Variants in RALGAPB observed in about 807,000 individuals in gnomAD.
RALGAPB encodes Ral GTPase activating protein non-catalytic subunit beta.
RALGAPB carries 25 observed loss-of-function variants against 161.1 expected under a neutral mutation model. The observed-to-expected ratio is 0.16, with a 90% CI of 0.11 to 0.22. The LOEUF (loss-of-function observed/expected upper bound fraction) is 0.22, where lower values mean the gene tolerates loss of function less well. RALGAPB is among the 10% of genes least tolerant of loss of function. RALGAPB has a pLI of 1.00. For synonymous variants in RALGAPB, 629 were observed against 626.1 expected (o/e 1.00, Z -0.07); for missense variants, 1,391 against 1,815.2 (o/e 0.77, Z 4.25).
intron 3 of RALGAPB, among the ~76,000 whole-genome samples, chr20:38,495,428 CAG>C (rs1423301051): frequency 6.6e-6 from 1 of 152,070 alleles, no homozygotes; most frequent in Admixed American, 6.6e-5. Context: ...AGCAAAGAGT[CAG>C]ATAGCATTTT....
chr20:38,497,659 ACT>A, intron 4 of RALGAPB, 143 bp downstream of exon 4: 1 of 888,754 alleles, frequency 1.1e-6, no homozygotes, highest in Non-Finnish European at 1.7e-6. Context: ...TAGAATGGAA[ACT>A]CTCAGGCACA....
chr20:38,563,020 A>G (rs966842084), intron 24 of RALGAPB, among the ~76,000 whole-genome samples: 1 of 152,172 alleles, frequency 6.6e-6, no homozygotes, highest in Non-Finnish European at 1.5e-5. Context: ...AGCTATGATC[A>G]TGCCACAGCA....
chr20:38,556,861 A>G (rs1347053597), intron 22 of RALGAPB, among the ~76,000 whole-genome samples: 1 of 152,228 alleles, frequency 6.6e-6, no homozygotes, highest in African/African-American at 2.4e-5. Flanking sequence ...ATATATTTGT[A>G]GTAAATTCAT....
At position 38,499,614 on chromosome 20, in the gene RALGAPB, A is replaced by G. The variant is rs2085520409; in HGVS notation, c.721A>G (p.Ile241Val). ...AGTGGTGGAGCAGTGGAGCAAGGTC[A>G]TTTGTGCACTCACTTCCAGGTAGGT... ...PAVVEQWSKV[I>V]CALTSRLLRF... The change falls in exon 5 of 30, where the codon ATT becomes GTT. Residue 241 changes from isoleucine to valine, a missense_variant. Physicochemically the swap from Ile to Val is conservative, Grantham distance 29 (BLOSUM62 3). Around this residue, in one of 3 missense-constraint regions of RALGAPB, gnomAD observed 946 missense variants for 1,257.2 expected, o/e 0.75. Coordinates refer to ENST00000262879, the MANE Select transcript of RALGAPB (RefSeq NM_020336.4). 6.2e-7 allele frequency: 1 copy of G among 1,612,692 alleles called. No individual in the cohort carries two copies. The highest frequency in any genetic ancestry group is 8.5e-7 in the Non-Finnish European group (1 of 1,179,544).
intron 1 of RALGAPB, among the ~76,000 whole-genome samples, chr20:38,476,228 C>T (rs1369716842): frequency 6.6e-6 from 1 of 152,174 alleles, no homozygotes; most frequent in East Asian, 1.9e-4. Context: ...AGCTTGGGAC[C>T]TAGAAATGGA....
At chr20:38,480,448 G>A (rs1483238320) in intron 1 of RALGAPB, among the ~76,000 whole-genome samples, 16 of 147,880 alleles carry the variant, frequency 1.1e-4, no homozygotes, top group Non-Finnish European at 2.2e-4. Context: ...GTGCAGTGGC[G>A]TGATCTTGGC....
intron 5 of RALGAPB, among the ~76,000 whole-genome samples, chr20:38,502,133 G>A (rs1414032126): frequency 1.3e-5 from 2 of 152,164 alleles, no homozygotes; most frequent in African/African-American, 4.8e-5. Flanking sequence ...GGTACATACT[G>A]TACTACTGTA....
chr20:38,485,972 T>TA, intron 1 of RALGAPB, among the ~76,000 whole-genome samples: 1 of 145,808 alleles, frequency 6.9e-6, no homozygotes, highest in Non-Finnish European at 1.5e-5. Context: ...ATATCTTTTT[T>TA]TTTTTTTTTT....
intron 3 of RALGAPB, among the ~76,000 whole-genome samples, chr20:38,495,127 G>T (rs2085387717): frequency 6.6e-6 from 1 of 152,128 alleles, no homozygotes; most frequent in East Asian, 1.9e-4. Context: ...CCCATTATTT[G>T]AAGTTTTAGT....
chr20:38,575,186 G>A lies in RALGAPB; in HGVS notation c.*219G>A, dbSNP rs1399579374. On this transcript the variant is annotated 3_prime_UTR_variant, in exon 30 of 30. Coordinates refer to ENST00000262879, the MANE Select transcript of RALGAPB (RefSeq NM_020336.4). ...ACACAATCACACTCCTGCTGATAAT[G>A]ATGATATACATTTTAGCCATAAACT... 1.6e-5 allele frequency: 8 copies of A among 491,158 alleles called. No homozygotes were observed. Among genetic ancestry groups the A allele is most frequent in the Non-Finnish European group, 2.9e-5 (8 of 278,158 alleles). 30.4% of individuals were successfully genotyped at this position (491,158 alleles called of 1,614,324 possible). A position where few individuals can be genotyped will look rare whatever the true frequency, so the allele number is the denominator to read the frequency against.
intron 4 of RALGAPB, among the ~76,000 whole-genome samples, chr20:38,498,208 A>G (rs1185771935): frequency 2.0e-5 from 3 of 152,230 alleles, no homozygotes; most frequent in Non-Finnish European, 4.4e-5. Flanking sequence ...GAAACCTCCA[A>G]AGTCTTTTAA....
chr20:38,506,766 G>A (rs1235617709), intron 5 of RALGAPB, among the ~76,000 whole-genome samples: 2 of 152,164 alleles, frequency 1.3e-5, no homozygotes, highest in East Asian at 3.8e-4. Context: ...ATTCAGGTTT[G>A]ATAGGGGGCA....
At chr20:38,511,918 G>GC (rs886330770) in intron 6 of RALGAPB, among the ~76,000 whole-genome samples, 61 of 151,958 alleles carry the variant, frequency 4.0e-4, no homozygotes, top group Non-Finnish European at 5.6e-4. Flanking sequence ...GGGCAGAGGC[G>GC]CCCCCCACCT....
intron 1 of RALGAPB, among the ~76,000 whole-genome samples, chr20:38,484,536 TTTTTTG>T (rs906548384): frequency 9.9e-5 from 15 of 152,202 alleles, no homozygotes; most frequent in East Asian, 1.9e-4. Flanking sequence ...GACATTGTGT[TTTTTTG>T]TTTTTGTTTT....
rs2145566016 is a variant in RALGAPB, at chr20:38,577,418, T to A, written c.*2451T>A. The A allele has an allele frequency of 6.6e-6, 1 of 152,318 alleles. No individual in the cohort carries two copies. The highest frequency in any genetic ancestry group is 2.4e-5 in the African/African-American group (1 of 41,558). 9.4% of individuals were successfully genotyped at this position (152,318 alleles called of 1,614,324 possible). A position where few individuals can be genotyped will look rare whatever the true frequency, so the allele number is the denominator to read the frequency against. On this transcript the variant is annotated 3_prime_UTR_variant, in exon 30 of 30. Coordinates refer to ENST00000262879, the MANE Select transcript of RALGAPB (RefSeq NM_020336.4). ...GGGGGAAACCAGGACCACTTTTGTC[T>A]GTGGCTTAAACAGTTCAGTTGCTAT...
rs756557178 is a variant in RALGAPB, at chr20:38,517,589, A to AC, written c.1142dup (p.His382ThrfsTer2). The AC allele has an allele frequency of 1.9e-6, 3 of 1,611,534 alleles. No individual in the cohort carries two copies. The highest frequency in any genetic ancestry group is 8.5e-7 in the Non-Finnish European group (1 of 1,179,448). On this transcript the variant is annotated frameshift_variant, in exon 8 of 30. Coordinates refer to ENST00000262879, the MANE Select transcript of RALGAPB (RefSeq NM_020336.4). LOFTEE classifies it high-confidence loss of function. ...GCCTCAAAGTGCTGCTGTCAGTACC[A>AC]CCCCCCCACATAACCGGAGGCACCG...
intron 22 of RALGAPB, among the ~76,000 whole-genome samples, chr20:38,554,647 G>A (rs200275596): frequency 6.6e-6 from 1 of 152,278 alleles, no homozygotes; most frequent in East Asian, 1.9e-4. Flanking sequence ...AAGTGAGGAT[G>A]ATAAAAGTAT....
chr20:38,492,759 G>A (rs940421902), intron 2 of RALGAPB, among the ~76,000 whole-genome samples, 171 bp from the exon 3 acceptor site: 2 of 152,132 alleles, frequency 1.3e-5, no homozygotes, highest in Non-Finnish European at 2.9e-5. Flanking sequence ...TTGGGAAATT[G>A]TATGTTTGAT....
intron 1 of RALGAPB, among the ~76,000 whole-genome samples, chr20:38,486,123 C>A (rs1169821804): frequency 6.6e-6 from 1 of 151,986 alleles, no homozygotes; most frequent in Admixed American, 6.6e-5. Flanking sequence ...GTGTGTGACA[C>A]CATGCCCAGC....
Sources: allele counts gnomAD v4.1 joint callset (sites outside exome capture counted in the v4.1 genomes callset), GRCh38; gene constraint gnomAD v4.1.1; regional missense constraint gnomAD v4.1.1; transcripts MANE v1.5; gene names NCBI Gene and HGNC (gene_info 2026-07-23, HGNC 2026-07-21).